Variants in MAST2 observed in about 807,000 individuals in gnomAD.
MAST2 encodes the protein microtubule-associated serine/threonine-protein kinase 2.
A neutral mutation model predicts 147.4 loss-of-function variants in MAST2; 70 were observed. The ratio of observed to expected loss-of-function variants is 0.47; its 90% CI spans 0.39 to 0.58. The LOEUF (loss-of-function observed/expected upper bound fraction) is 0.58, where lower values mean the gene tolerates loss of function less well. MAST2 is among the 20% of genes least tolerant of loss of function. MAST2 has a pLI of 0.00. For missense variants in MAST2, 2,080 were observed against 2,302.3 expected, an observed-to-expected ratio of 0.90 and a Z score of 1.98; for synonymous variants, 869 against 896.8, an observed-to-expected ratio of 0.97 and a Z score of 0.55.
At position 45,959,426 on chromosome 1, in the gene MAST2, A is replaced by G; in HGVS notation, c.541A>G (p.Ser181Gly). The G allele has an allele frequency of 6.2e-7, 1 of 1,613,818 alleles. No homozygotes were observed. The highest frequency in any genetic ancestry group is 8.5e-7 in the Non-Finnish European group (1 of 1,179,830). Residue 181 changes from serine (S) to glycine (G), a missense_variant, in exon 5 of 29, where the codon AGC (serine) becomes GGC (glycine). By Grantham distance (56) the Ser-to-Gly change is moderately conservative (BLOSUM62 0). Transcript: ENST00000361297. ...SNRKSLIVTS[S>G]TSPTLPRPHS... ...CCGCAAGAGCTTGATTGTGACCTCT[A>G]GCACATCACCTACACTACCACGGCC...
intron 1 of MAST2, among the ~76,000 whole-genome samples, chr1:45,817,432 A>G (rs1325300965): frequency 6.6e-6 from 1 of 152,204 alleles, no homozygotes; most frequent in East Asian, 1.9e-4. Flanking sequence ...TGACATATTT[A>G]AAGTGCTGAA....
At chr1:45,914,243 C>T (rs1310918785) in intron 4 of MAST2, among the ~76,000 whole-genome samples, 3 of 152,308 alleles carry the variant, frequency 2.0e-5, no homozygotes, top group African/African-American at 7.2e-5. Flanking sequence ...AAAGTACCTC[C>T]TCCTTTGACT....
At chr1:45,999,515 G>A (rs1449331658) in intron 6 of MAST2, among the ~76,000 whole-genome samples, 1 of 152,110 alleles carries the variant, frequency 6.6e-6, no homozygotes, top group African/African-American at 2.4e-5. Context: ...ATAAATATTT[G>A]CTGAGCACCA....
intron 3 of MAST2, among the ~76,000 whole-genome samples, chr1:45,858,077 GTGTA>G (rs1645852534): frequency 6.6e-6 from 1 of 152,036 alleles, no homozygotes; most frequent in African/African-American, 2.4e-5. Context: ...AAACATACGT[GTGTA>G]TGTGTCTTTA....
chr1:45,934,785 T>G (rs971851931), intron 4 of MAST2, among the ~76,000 whole-genome samples: 4 of 152,232 alleles, frequency 2.6e-5, no homozygotes, highest in Admixed American at 2.0e-4. Flanking sequence ...CCATATTTTC[T>G]TTATTCAGTC....
chr1:45,867,302 A>G (rs1394200163), intron 3 of MAST2, among the ~76,000 whole-genome samples: 4 of 152,234 alleles, frequency 2.6e-5, no homozygotes, highest in Non-Finnish European at 4.4e-5. Context: ...GAAAATCCAA[A>G]TAAATATTTG....
intron 1 of MAST2, among the ~76,000 whole-genome samples, chr1:45,819,582 C>A (rs369494393): frequency 6.6e-5 from 10 of 151,890 alleles, no homozygotes; most frequent in African/African-American, 1.2e-4. Context: ...CTGAAAAAAT[C>A]AAAAAAGTAA....
chr1:46,030,488 G>T, intron 21 of MAST2, 119 bp from the exon 22 acceptor site: 1 of 1,219,566 alleles, frequency 8.2e-7, no homozygotes, highest in Admixed American at 2.7e-5. Flanking sequence ...AGGGGTGTGT[G>T]AAGGAGGGAT....
At chr1:45,813,309 G>T (rs181942685) in intron 1 of MAST2, among the ~76,000 whole-genome samples, 1 of 151,886 alleles carries the variant, frequency 6.6e-6, no homozygotes, top group East Asian at 1.9e-4. Flanking sequence ...CAAGATGGGG[G>T]TCCCATAAGA....
intron 5 of MAST2, among the ~76,000 whole-genome samples, chr1:45,971,856 A>G (rs968569349): frequency 1.3e-5 from 2 of 152,236 alleles, no homozygotes; most frequent in African/African-American, 4.8e-5. Context: ...CATGGAATTG[A>G]TAAGTCTTGG....
chr1:45,857,062 C>T (rs1428166136), intron 3 of MAST2, among the ~76,000 whole-genome samples: 1 of 152,070 alleles, frequency 6.6e-6, no homozygotes, highest in Non-Finnish European at 1.5e-5. Context: ...TATTTTTCTT[C>T]ATTGCATTTA....
intron 5 of MAST2, among the ~76,000 whole-genome samples, chr1:45,975,501 A>C (rs1233965396): frequency 1.5e-5 from 1 of 66,538 alleles, no homozygotes; most frequent in African/African-American, 7.1e-5. Context: ...TCTCCAAAAA[A>C]AAAAAAAAAA....
At chr1:45,870,197 TAC>T (rs1368851297) in intron 3 of MAST2, among the ~76,000 whole-genome samples, 6 of 152,230 alleles carry the variant, frequency 3.9e-5, no homozygotes, top group Admixed American at 3.9e-4. Context: ...GTGCTGGGAT[TAC>T]AGGCATGAGC....
intron 3 of MAST2, among the ~76,000 whole-genome samples, chr1:45,877,445 T>C (rs1216742816): frequency 6.6e-6 from 1 of 152,142 alleles, no homozygotes; most frequent in African/African-American, 2.4e-5. Context: ...CCTCATGACC[T>C]AATCACCTCC....
intron 3 of MAST2, among the ~76,000 whole-genome samples, chr1:45,872,709 G>A (rs370650568): frequency 2.0e-5 from 3 of 152,174 alleles, no homozygotes; most frequent in African/African-American, 7.2e-5. Context: ...TCAAACTCCC[G>A]ACCTCAGGTG....
At chr1:46,028,362 G>A in intron 17 of MAST2, among the ~76,000 whole-genome samples, 1 of 152,196 alleles carries the variant, frequency 6.6e-6, no homozygotes, top group Admixed American at 6.5e-5. Flanking sequence ...CCATTGGGCT[G>A]TGGCCCAGTG....
At chr1:45,984,060 T>G (rs1644517534) in intron 5 of MAST2, among the ~76,000 whole-genome samples, 1 of 152,178 alleles carries the variant, frequency 6.6e-6, no homozygotes, top group African/African-American at 2.4e-5. Context: ...ACATTGGAAA[T>G]AGAATGTTTC....
chr1:45,824,530 G>C lies in MAST2; in HGVS notation c.275G>C (p.Ser92Thr). 1.2e-6 allele frequency: 2 copies of C among 1,610,946 alleles called. No individual in the cohort carries two copies. Among genetic ancestry groups the C allele is most frequent in the Non-Finnish European group, 1.7e-6 (2 of 1,178,132 alleles). ...TGKVKLQRQLSQDDCKLWRGN... is the reference protein window; with the variant it reads ...TGKVKLQRQLTQDDCKLWRGN... ...AAAGTTAAACTTCAGCGACAACTGA[G>C]TCAGGATGATTGTAAGTTATGGAGA... Residue 92 changes from serine (S) to threonine (T), a missense_variant, in exon 2 of 29, where the codon AGT becomes ACT. Coordinates refer to ENST00000361297, the MANE Select transcript of MAST2 (RefSeq NM_015112.3).
chr1:45,819,252 C>CAA (rs35652191), intron 1 of MAST2, among the ~76,000 whole-genome samples: 2 of 112,832 alleles, frequency 1.8e-5, no homozygotes, highest in Admixed American at 8.7e-5. Context: ...AAGTCTGTCT[C>CAA]AAAAAAAAAA....
Sources: gnomAD v4.1 joint callset for allele counts (sites outside exome capture counted in the v4.1 genomes callset) on GRCh38, gnomAD v4.1.1 for gene constraint, MANE v1.5 for transcripts, NCBI Gene and HGNC (gene_info 2026-07-23, HGNC 2026-07-21) for gene names.